The following RGS12 variants were observed in gnomAD, a reference collection of about 807,000 sequenced individuals.
RGS12 encodes regulator of G protein signaling 12, also known as regulator of G-protein signaling 12.
In RGS12, 66 loss-of-function variants were observed where a neutral mutation model predicts 120.1. The ratio of observed to expected loss-of-function variants is 0.55; its 90% CI spans 0.45 to 0.67. RGS12 has a LOEUF of 0.67. Among genes scored for constraint, RGS12 ranks in the 30% least tolerant of loss-of-function variants. RGS12 has a pLI of 0.00. For missense variants in RGS12, 1,859 were observed against 1,957.7 expected (o/e 0.95, Z 0.95); for synonymous variants, 827 against 804.7 (o/e 1.03, Z -0.47).
At chr4:3,422,166 C>T (rs992360373) in intron 10 of RGS12, among the ~76,000 whole-genome samples, 3 of 152,340 alleles carry the variant, frequency 2.0e-5, no homozygotes, top group East Asian at 1.9e-4. Context: ...GAATGATGAC[C>T]GCTCTCTCGT....
intron 9 of RGS12, 93 bp from the exon 10 acceptor site, chr4:3,420,549 G>A: frequency 7.6e-7 from 1 of 1,317,174 alleles, no homozygotes. Context: ...CCTGGCGTCT[G>A]TCTGCTCAGC....
chr4:3,347,446 A>G (rs1185599325), intron 3 of RGS12, among the ~76,000 whole-genome samples: 1 of 152,230 alleles, frequency 6.6e-6, no homozygotes, highest in Admixed American at 6.5e-5. Flanking sequence ...TCTGTCTCAA[A>G]AAAAGAAAGA....
intron 2 of RGS12, among the ~76,000 whole-genome samples, chr4:3,338,987 T>G (rs1368933683): frequency 1.3e-5 from 2 of 152,200 alleles, no homozygotes; most frequent in African/African-American, 2.4e-5. Context: ...AGTTGTCACA[T>G]CTGTTACTGG....
At chr4:3,413,313 G>A (rs937441200) in intron 4 of RGS12, 1 of 152,290 alleles carries the variant, frequency 6.6e-6, no homozygotes, top group Non-Finnish European at 1.5e-5. Flanking sequence ...AGGCTACTGA[G>A]GGCCGTTTTG....
chr4:3,364,996 C>T (rs1716149474), intron 3 of RGS12, among the ~76,000 whole-genome samples: 1 of 152,104 alleles, frequency 6.6e-6, no homozygotes, highest in South Asian at 2.1e-4. Context: ...TGGATGGAGC[C>T]TCCTGCACCC....
rs181872287 is a variant in RGS12 at position 3,372,555 on chromosome 4, C to T, written c.1999-13861C>T. On this transcript the variant is annotated intron_variant, in intron 3 of 17. Coordinates refer to ENST00000336727, the MANE Select transcript of RGS12 (RefSeq NM_001394154.1). This position sits in a 1 kb window ranked among gnomAD's most constrained non-coding sequence, Gnocchi z 4.3. ...AGTCCTCAGCTGTCAGAGGCCGCCT[C>T]GGGTGCATCCACGCTGGCCCCCCCA... Among the ~76,000 whole-genome samples the T allele has an allele frequency of 4.8e-4, 73 of 152,230 alleles. No homozygotes were observed. The highest frequency in any genetic ancestry group is 1.6e-3 in the African/African-American group (67 of 41,536).
At chr4:3,396,494 G>T (rs536678175) in intron 4 of RGS12, among the ~76,000 whole-genome samples, 1 of 152,238 alleles carries the variant, frequency 6.6e-6, no homozygotes, top group South Asian at 2.1e-4. Flanking sequence ...TTTCTACATG[G>T]TATTCAGTTG....
intron 4 of RGS12, among the ~76,000 whole-genome samples, chr4:3,388,035 G>A (rs373890808): frequency 6.6e-5 from 10 of 152,146 alleles, no homozygotes; most frequent in South Asian, 6.2e-4. Flanking sequence ...CTGGCTCCTC[G>A]CCACGCTGGC....
intron 3 of RGS12, among the ~76,000 whole-genome samples, chr4:3,384,102 G>A (rs1718557337): frequency 6.6e-6 from 1 of 152,146 alleles, no homozygotes; most frequent in Non-Finnish European, 1.5e-5. Flanking sequence ...CTGATTTTGT[G>A]TATGGCCTTG....
At chr4:3,428,284 C>T (rs762904325) in intron 15 of RGS12, 115 bp downstream of exon 15, 15 of 1,015,588 alleles carry the variant, frequency 1.5e-5, no homozygotes, top group Non-Finnish European at 2.0e-5. Context: ...GTGTCTCCCC[C>T]ACGCTCCTTG....
intron 1 of RGS12, among the ~76,000 whole-genome samples, chr4:3,298,880 A>T (rs1321854160): frequency 6.6e-6 from 1 of 152,166 alleles, no homozygotes; most frequent in Non-Finnish European, 1.5e-5. Flanking sequence ...TTGTGATCAT[A>T]CTGTCATTAA....
At chr4:3,346,099 G>T (rs1713762513) in intron 3 of RGS12, among the ~76,000 whole-genome samples, 1 of 152,050 alleles carries the variant, frequency 6.6e-6, no homozygotes, top group African/African-American at 2.4e-5. Context: ...AATTTATCCA[G>T]GTATAGCAGG....
chr4:3,423,668 C>A, intron 13 of RGS12, 27 bp downstream of exon 13: 1 of 1,591,214 alleles, frequency 6.3e-7, no homozygotes, highest in South Asian at 1.1e-5. Context: ...GCCCGGGCGT[C>A]GTCACCGCAG....
In RGS12 at chr4:3,414,209, C is replaced by G; in HGVS notation, c.2158C>G (p.Leu720Val). The G allele has an allele frequency of 6.5e-7, 1 of 1,548,418 alleles. No homozygotes were observed. The highest frequency in any genetic ancestry group is 8.7e-7 in the Non-Finnish European group (1 of 1,150,374). The stretch of plus-strand genomic sequence containing the variant: ...CTGGGCCGTGTCCTTTGAGCGCCTG[C>G]TGCAGGACCCCGTCGGTGTCCGCTA... Reference protein sequence around the residue: ...ASWAVSFERLLQDPVGVRYFS... With the variant: ...ASWAVSFERLVQDPVGVRYFS... Residue 720 changes from leucine to valine, a missense_variant, in exon 5 of 18, where the codon CTG becomes GTG. Leu to Val is a conservative substitution (Grantham distance 32). Around this residue, in one of 3 missense-constraint regions of RGS12, gnomAD observed 967 missense variants for 994.2 expected, o/e 0.97. Transcript: ENST00000336727.
chr4:3,391,184 G>C (rs1257604881), intron 4 of RGS12, among the ~76,000 whole-genome samples: 1 of 152,192 alleles, frequency 6.6e-6, no homozygotes, highest in Non-Finnish European at 1.5e-5. Context: ...ACTTCAAAAT[G>C]ATGCTCAGAA....
intron 16 of RGS12, among the ~76,000 whole-genome samples, chr4:3,430,166 G>A (rs1003534957): frequency 5.3e-5 from 8 of 152,236 alleles, no homozygotes; most frequent in African/African-American, 9.6e-5. Flanking sequence ...CTCACACAGC[G>A]TGGTTTTTAG....
rs749376976 is a variant in RGS12, at chr4:3,316,576, C to T, written c.406C>T (p.Arg136Ter). The T allele has an allele frequency of 3.3e-5, 54 of 1,613,978 alleles. No individual in the cohort carries two copies. The highest frequency in any genetic ancestry group is 4.3e-5 in the Non-Finnish European group (51 of 1,180,036). Reference sequence around the variant, plus strand: ...AGCACTAGGTATAAACAGAGCAGAGCGAGTCGTGGAGGAAATGCAGTCTGG... The same window carrying T: ...AGCACTAGGTATAAACAGAGCAGAGTGAGTCGTGGAGGAAATGCAGTCTGG... ...SKALGINRAE[R>*]VVEEMQSGGI... Residue 136 changes from arginine to a stop codon, truncating the protein, a stop_gained, in exon 2 of 18, where the codon CGA (arginine) becomes TGA (stop). Coordinates refer to ENST00000336727, the MANE Select transcript of RGS12 (RefSeq NM_001394154.1). LOFTEE classifies it high-confidence loss of function.
At position 3,417,111 on chromosome 4, in the gene RGS12, G is replaced by A. The variant is rs1722494112; in HGVS notation, c.2607+19G>A. 6.3e-7 allele frequency: 1 copy of A among 1,577,894 alleles called. No individual in the cohort carries two copies. The highest frequency in any genetic ancestry group is 8.6e-7 in the Non-Finnish European group (1 of 1,156,162). ...AAAAAAGGTGACCTCCCCGAGGCTG[G>A]CCTCACGCCCCTGTGGGTTGTGTGT... On this transcript the variant is annotated intron_variant, in intron 8 of 17. Transcript: ENST00000336727.
intron 1 of RGS12, among the ~76,000 whole-genome samples, chr4:3,315,189 G>A (rs956835423): frequency 6.6e-6 from 1 of 152,174 alleles, no homozygotes; most frequent in African/African-American, 2.4e-5. Context: ...TTGGGACATC[G>A]CCCCATGGAC....
Sources: allele counts gnomAD v4.1 joint callset (sites outside exome capture counted in the v4.1 genomes callset), GRCh38; gene constraint gnomAD v4.1.1; regional missense constraint gnomAD v4.1.1; non-coding constraint Gnocchi (gnomAD v3.1); transcripts MANE v1.5; gene names NCBI Gene and HGNC (gene_info 2026-07-23, HGNC 2026-07-21).